Variants in PTPRM observed in about 807,000 individuals in gnomAD.
PTPRM encodes protein tyrosine phosphatase receptor type M, also known as receptor-type tyrosine-protein phosphatase mu.
A neutral mutation model predicts 186.7 loss-of-function variants in PTPRM; 47 were observed. The observed-to-expected ratio is 0.25, with a 90% CI of 0.20 to 0.32. PTPRM has a LOEUF of 0.32. Ranked by LOEUF, PTPRM falls within the 10% of genes least tolerant of loss-of-function variation. The pLI is 1.00. For missense variants in PTPRM, 1,494 were observed against 1,865.0 expected, an observed-to-expected ratio of 0.80 and a Z score of 3.66; for synonymous variants, 668 against 674.9, an observed-to-expected ratio of 0.99 and a Z score of 0.16.
intron 19 of PTPRM, among the ~76,000 whole-genome samples, chr18:8,273,041 A>AT (rs2094791568): frequency 6.6e-6 from 1 of 151,886 alleles, no homozygotes; most frequent in Non-Finnish European, 1.5e-5. Context: ...TCTAATTAGT[A>AT]TTTTTTCTAG....
intron 6 of PTPRM, among the ~76,000 whole-genome samples, chr18:7,954,701 G>C (rs1032104526): frequency 1.1e-4 from 16 of 152,160 alleles, no homozygotes; most frequent in African/African-American, 3.9e-4. Flanking sequence ...TTTGATATCT[G>C]TGTAACTGAC....
chr18:7,583,322 G>T (rs1349585066), intron 1 of PTPRM, among the ~76,000 whole-genome samples: 1 of 152,194 alleles, frequency 6.6e-6, no homozygotes, highest in East Asian at 1.9e-4. Flanking sequence ...AGGTGAAGAT[G>T]ACAGCACTGG....
At chr18:8,082,371 C>G (rs1196863430) in intron 9 of PTPRM, among the ~76,000 whole-genome samples, 1 of 152,012 alleles carries the variant, frequency 6.6e-6, no homozygotes, top group Non-Finnish European at 1.5e-5. Flanking sequence ...GATTGTTAGG[C>G]CAGGTTTAGG....
intron 4 of PTPRM, among the ~76,000 whole-genome samples, chr18:7,908,515 A>C (rs149880070): frequency 1.1e-4 from 16 of 152,272 alleles, no homozygotes; most frequent in South Asian, 4.1e-4. Flanking sequence ...TACCTGATGA[A>C]TGTATCATGA....
intron 7 of PTPRM, among the ~76,000 whole-genome samples, chr18:8,055,837 G>C (rs537172794): frequency 2.0e-5 from 3 of 152,148 alleles, no homozygotes; most frequent in Non-Finnish European, 2.9e-5. Flanking sequence ...ACTGTTATTC[G>C]TATGAGATTA....
chr18:7,631,886 A>G (rs8099533), intron 1 of PTPRM, among the ~76,000 whole-genome samples: 3,626 of 152,306 alleles, frequency 0.024, 151 homozygotes, highest in African/African-American at 0.083. Context: ...AATAATGCAT[A>G]GTTATTAACA....
chr18:7,822,902 A>T (rs1012911932), intron 2 of PTPRM, among the ~76,000 whole-genome samples: 53 of 152,184 alleles, frequency 3.5e-4, no homozygotes, highest in Middle Eastern at 3.4e-3. Flanking sequence ...GCTGTGGGCC[A>T]GGCTTGCTCT....
intron 1 of PTPRM, among the ~76,000 whole-genome samples, chr18:7,704,542 GTC>G (rs2040035121): frequency 6.6e-6 from 1 of 151,980 alleles, no homozygotes; most frequent in African/African-American, 2.4e-5. Flanking sequence ...TTTTTATTGT[GTC>G]TATTTGATTC....
In PTPRM at chr18:8,058,089, A is replaced by G. The variant is rs1248523302; in HGVS notation, c.1133-11597A>G. Among the ~76,000 whole-genome samples, 3 of 123,340 alleles carry G rather than the reference A, an allele frequency of 2.4e-5. No individual in the cohort carries two copies. In the Admixed American group the frequency reaches 2.5e-4, roughly 10 times the overall value. 80.9% of individuals were successfully genotyped at this position (123,340 alleles called of 152,430 possible). On this transcript the variant is annotated intron_variant, in intron 7 of 32. Transcript: ENST00000580170. ...CCACCAACAGTGTAAAAGTGTTCCT[A>G]TTTCTCCACATCCTCTCCAGCACCT... is the stretch of plus-strand genomic sequence containing the variant.
At chr18:7,772,248 T>TCTTTTCTTTG (rs2042303154) in intron 1 of PTPRM, among the ~76,000 whole-genome samples, 1 of 116,888 alleles carries the variant, frequency 8.6e-6, no homozygotes, top group Non-Finnish European at 1.9e-5. Context: ...AGATCTTTTT[T>TCTTTTCTTTG]CTTTTCTTTT....
At chr18:7,933,674 C>T (rs914111695) in intron 5 of PTPRM, among the ~76,000 whole-genome samples, 12 of 152,154 alleles carry the variant, frequency 7.9e-5, no homozygotes, top group African/African-American at 2.4e-4. Context: ...CCAAACAAAT[C>T]GTGTAGCTCC....
At chr18:8,190,108 A>T (rs1201351681) in intron 14 of PTPRM, among the ~76,000 whole-genome samples, 1 of 152,206 alleles carries the variant, frequency 6.6e-6, no homozygotes, top group Non-Finnish European at 1.5e-5. Context: ...CAAGCTAATT[A>T]TGCTTATTTT....
intron 28 of PTPRM, among the ~76,000 whole-genome samples, chr18:8,379,868 TA>T (rs113450732): frequency 6.6e-6 from 1 of 151,408 alleles, no homozygotes; most frequent in East Asian, 1.9e-4. Flanking sequence ...TTCAGAGCTG[TA>T]AAAAAAAAGT....
intron 14 of PTPRM, among the ~76,000 whole-genome samples, chr18:8,227,346 G>A (rs4399595): frequency 0.53 from 80,358 of 152,000 alleles, 21,714 homozygotes; most frequent in Middle Eastern, 0.74. Flanking sequence ...CATGCCAGTT[G>A]CCAGGGCTCC....
chr18:7,643,730 T>C (rs1175137447), intron 1 of PTPRM, among the ~76,000 whole-genome samples: 1 of 152,194 alleles, frequency 6.6e-6, no homozygotes, highest in African/African-American at 2.4e-5. Context: ...TTTCTTTAAA[T>C]AGTGAAGCAA....
chr18:7,978,512 T>A (rs998812194), intron 7 of PTPRM, among the ~76,000 whole-genome samples: 3 of 152,218 alleles, frequency 2.0e-5, no homozygotes, highest in African/African-American at 7.2e-5. Context: ...ATATCTAGAC[T>A]TAGTGAAGTG....
At chr18:8,078,695 G>C (rs1387126281) in intron 9 of PTPRM, among the ~76,000 whole-genome samples, 4 of 152,190 alleles carry the variant, frequency 2.6e-5, no homozygotes, top group African/African-American at 4.8e-5. Context: ...GGTTTAACTG[G>C]CTTATGCTTC....
At chr18:7,684,890 A>G (rs1219198009) in intron 1 of PTPRM, among the ~76,000 whole-genome samples, 1 of 152,032 alleles carries the variant, frequency 6.6e-6, no homozygotes, top group Non-Finnish European at 1.5e-5. Flanking sequence ...GGATCATATG[A>G]TGTTTCTGTT....
chr18:8,285,828 T>TA (rs967157850), intron 19 of PTPRM, among the ~76,000 whole-genome samples: 36 of 151,766 alleles, frequency 2.4e-4, no homozygotes, highest in African/African-American at 8.7e-4. Flanking sequence ...CCCGTGTCTA[T>TA]AAAAAATACA....
Sources: gnomAD v4.1 joint callset for allele counts (sites outside exome capture counted in the v4.1 genomes callset) on GRCh38, gnomAD v4.1.1 for gene constraint, MANE v1.5 for transcripts, NCBI Gene and HGNC (gene_info 2026-07-23, HGNC 2026-07-21) for gene names.